BRD9: variants seen among roughly 807,000 people sequenced by gnomAD.
BRD9 encodes bromodomain containing 9, also known as bromodomain-containing protein 9.
A neutral mutation model predicts 68.7 loss-of-function variants in BRD9; 47 were observed. The observed-to-expected ratio is 0.68, with a 90% CI of 0.54 to 0.87. The LOEUF is 0.87. Among genes scored for constraint, BRD9 ranks in the 40% least tolerant of loss-of-function variants. The pLI is 0.00. For synonymous variants in BRD9, 313 were observed against 293.9 expected (o/e 1.06, Z -0.67); for missense variants, 670 against 748.4 (o/e 0.90, Z 1.22).
chr5:881,359 G>A (rs999212606), intron 8 of BRD9, 177 bp from the exon 9 acceptor site: 80 of 637,382 alleles, frequency 1.3e-4, no homozygotes, highest in Middle Eastern at 6.3e-4. Context: ...ACAGCAGAGC[G>A]CGCACAGGTG....
chr5:881,326 CT>C (rs879641652), intron 8 of BRD9, 144 bp from the exon 9 acceptor site: 2 of 779,254 alleles, frequency 2.6e-6, no homozygotes, highest in Admixed American at 4.7e-5. Context: ...ACGGCATTCC[CT>C]GGAATTTCAG....
Position 870,557 on chromosome 5 carries a change from C to G in BRD9, c.1441G>C (p.Asp481His). 1 of 1,614,036 alleles carries G rather than the reference C, an allele frequency of 6.2e-7. No individual in the cohort carries two copies. The highest frequency in any genetic ancestry group is 8.5e-7 in the Non-Finnish European group (1 of 1,179,960). Residue 481 changes from aspartate to histidine, a missense_variant, in exon 14 of 16, where the codon GAC becomes CAC. Around this residue, in one of 5 missense-constraint regions of BRD9, gnomAD observed 280 missense variants for 281.5 expected, o/e 0.99. Transcript: ENST00000467963. ...AACTCCAGAACAGAGCTGCTGCTGT[C>G]TCCTAGGGTGTCCCCAACCTGTGGA... ...DEAKVGDTLG[D>H]SSSSVLEFMS... is the part of the protein sequence containing the mutation.
At position 885,904 on chromosome 5, in the gene BRD9, C is replaced by T. The variant is rs903510785; in HGVS notation, c.833+688G>A. ...GCGTCTACAGGAATGACGTGTGATA[C>T]GGACTTTGATACAATCTCAATGCTC... On this transcript the variant is annotated intron_variant, in intron 7 of 15. Coordinates refer to ENST00000467963, the MANE Select transcript of BRD9 (RefSeq NM_023924.5). Among the ~76,000 whole-genome samples the T allele has an allele frequency of 5.9e-5, 9 of 152,300 alleles. 1 individual carries two copies. Among genetic ancestry groups the T allele is most frequent in the Admixed American group, 3.3e-4 (5 of 15,304 alleles).
In BRD9 at chr5:868,770, A is replaced by AC. The variant is rs1244043727; in HGVS notation, c.1525+1702dup. 1.0e-4 allele frequency: 16 copies of AC among 152,840 alleles called. 1 individual carries two copies. The highest frequency in any genetic ancestry group is 3.1e-4 in the African/African-American group (13 of 41,514). 9.5% of individuals were successfully genotyped at this position (152,840 alleles called of 1,614,324 possible). On this transcript the variant is annotated intron_variant, in intron 14 of 15. Transcript: ENST00000467963. ...CTCACGCTGGGTTTCCTTGGATGTCACTCTTGTCCCTCTGCTGCTGTTGGC... is the reference window on the plus strand; with the variant it reads ...CTCACGCTGGGTTTCCTTGGATGTCACCTCTTGTCCCTCTGCTGCTGTTGGC...
At chr5:887,619 A>C in intron 5 of BRD9, 148 bp from the exon 6 acceptor site, 1 of 677,126 alleles carries the variant, frequency 1.5e-6, no homozygotes, top group Non-Finnish European at 2.6e-6. Flanking sequence ...CATAACGTTT[A>C]AGAACTTAAG....
intron 14 of BRD9, among the ~76,000 whole-genome samples, chr5:869,745 A>G (rs1444651964): frequency 6.6e-6 from 1 of 152,214 alleles, no homozygotes; most frequent in Non-Finnish European, 1.5e-5. Flanking sequence ...CCAATCAGGA[A>G]ATCTCTGAAT....
chr5:871,063 G>A (rs1334530928), intron 13 of BRD9, among the ~76,000 whole-genome samples: 1 of 152,210 alleles, frequency 6.6e-6, no homozygotes, highest in Non-Finnish European at 1.5e-5. Flanking sequence ...GGTCTCTCCA[G>A]GTTCCCAGGG....
chr5:865,985 T>G, intron 14 of BRD9: 1 of 164,372 alleles, frequency 6.1e-6, no homozygotes, highest in Non-Finnish European at 1.3e-5. Flanking sequence ...ACCCGCCCAG[T>G]TCACTGTGGA....
rs778750397 is a variant in BRD9 at position 881,126 on chromosome 5, C to T, written c.1023G>A (p.Thr341=). 2.1e-5 allele frequency: 34 copies of T among 1,614,088 alleles called. No homozygotes were observed. The highest frequency in any genetic ancestry group is 2.8e-5 in the Non-Finnish European group (33 of 1,180,028). The change falls in exon 9 of 16, where the codon ACG becomes ACA. Residue 341 remains threonine, a synonymous_variant. Transcript: ENST00000467963. ...DGSLLYSVVN[T]AEPDADEEET... ...ACCCACCATCAGCGTCCGGCTCGGCCGTGTTGACCACGCTGTAGAGCAGGC... is the reference window on the plus strand; with the variant it reads ...ACCCACCATCAGCGTCCGGCTCGGCTGTGTTGACCACGCTGTAGAGCAGGC...
intron 14 of BRD9, 191 bp downstream of exon 14, chr5:870,282 C>A (rs908938634): frequency 3.5e-6 from 2 of 572,426 alleles, no homozygotes; most frequent in Non-Finnish European, 6.2e-6. Flanking sequence ...AAAAAAGACA[C>A]AACACTCAGG....
intron 6 of BRD9, 82 bp downstream of exon 6, chr5:887,279 C>G: frequency 8.2e-7 from 1 of 1,214,442 alleles, no homozygotes; most frequent in East Asian, 2.3e-5. Flanking sequence ...CACGTGTTCA[C>G]TGTGAGGCTC....
intron 5 of BRD9, 73 bp from the exon 6 acceptor site, chr5:887,544 A>G (rs1169560690): frequency 1.8e-6 from 2 of 1,094,120 alleles, no homozygotes; most frequent in African/African-American, 1.6e-5. Flanking sequence ...GATGACTACC[A>G]AGAGACCAAA....
At chr5:869,331 G>A (rs747453411) in intron 14 of BRD9, 2 of 456,228 alleles carry the variant, frequency 4.4e-6, no homozygotes, top group Admixed American at 2.3e-5. Flanking sequence ...AGCAGACTCC[G>A]TGGTAATAAG....
chr5:881,637 T>C (rs972180092), intron 8 of BRD9: 12 of 205,446 alleles, frequency 5.8e-5, no homozygotes, highest in Admixed American at 4.8e-4. Flanking sequence ...CACTGGTGTG[T>C]GCAGACTTGG....
intron 1 of BRD9, 23 bp downstream of exon 1, chr5:892,583 G>C: frequency 1.3e-6 from 2 of 1,534,042 alleles, no homozygotes; most frequent in Non-Finnish European, 8.8e-7. Flanking sequence ...CCCGCCGCGC[G>C]TCACAAAGCG....
intron 14 of BRD9, among the ~76,000 whole-genome samples, chr5:867,777 T>C (rs1749568765): frequency 6.6e-6 from 1 of 152,234 alleles, no homozygotes. Flanking sequence ...CTAACTTGTT[T>C]TGGATTTTAC....
intron 5 of BRD9, chr5:888,144 AGC>A (rs1392010347): frequency 6.5e-6 from 1 of 153,944 alleles, no homozygotes; most frequent in East Asian, 1.9e-4. Flanking sequence ...CAGAGCCAGC[AGC>A]CCTAGGGCCC....
At chr5:877,121 G>T (rs952693737) in intron 11 of BRD9, among the ~76,000 whole-genome samples, 3 of 152,184 alleles carry the variant, frequency 2.0e-5, no homozygotes, top group Non-Finnish European at 4.4e-5. Flanking sequence ...TGGGGAAGGC[G>T]GGGGGTGTGC....
At chr5:890,004 T>C in intron 3 of BRD9, 3 of 342,644 alleles carry the variant, frequency 8.8e-6, no homozygotes, top group Non-Finnish European at 1.7e-5. Flanking sequence ...TCACCGATTA[T>C]TATTTCACTT....
Sources: gnomAD v4.1 joint callset for allele counts (sites outside exome capture counted in the v4.1 genomes callset) on GRCh38, gnomAD v4.1.1 for gene constraint, gnomAD v4.1.1 regional missense constraint, MANE v1.5 for transcripts, NCBI Gene and HGNC (gene_info 2026-07-23, HGNC 2026-07-21) for gene names.